The following C15orf61 variants were observed in gnomAD, a reference collection of about 807,000 sequenced individuals.
C15orf61 encodes the protein chromosome 15 open reading frame 61, also known as uncharacterized protein C15orf61.
C15orf61 carries 12 observed loss-of-function variants against 13.7 expected under a neutral mutation model. The ratio of observed to expected loss-of-function variants is 0.88; its 90% CI spans 0.56 to 1.42. The LOEUF (loss-of-function observed/expected upper bound fraction) is 1.42, where lower values mean the gene tolerates loss of function less well. Ranked by LOEUF, C15orf61 falls within the 40% of genes most tolerant of loss-of-function variation. The pLI is 0.00. For synonymous variants in C15orf61, 92 were observed against 94.1 expected, an observed-to-expected ratio of 0.98 and a Z score of 0.13; for missense variants, 248 against 213.2, an observed-to-expected ratio of 1.16 and a Z score of -1.02.
chr15:67,523,791 T>C (rs1034921114), intron 1 of C15orf61, among the ~76,000 whole-genome samples: 2 of 152,206 alleles, frequency 1.3e-5, no homozygotes, highest in African/African-American at 4.8e-5. Context: ...TTTTGTAATA[T>C]ATAAGTTATA....
chr15:67,526,506 T>C lies in C15orf61; in HGVS notation c.435T>C (p.Val145=), dbSNP rs61747543. The change falls in exon 2 of 2, where the codon GTT becomes GTC. Residue 145 remains valine (V), a synonymous_variant. Coordinates refer to ENST00000342683, the MANE Select transcript of C15orf61 (RefSeq NM_001143936.2). ...ATACCAGTTATGGACCCATAACAGT[T>C]TATTTTCTCAATAAAGAAGATGAAG... ...TVHTSYGPIT[V]YFLNKEDEGA... is the part of the protein sequence containing the mutation. 162 of 1,539,432 alleles carry C rather than the reference T, an allele frequency of 1.1e-4. 1 individual carries two copies. In the African/African-American group the frequency reaches 2.0e-3, roughly 19 times the overall value.
chr15:67,521,791 G>A (rs1027910237), intron 1 of C15orf61, 197 bp downstream of exon 1: 7 of 651,242 alleles, frequency 1.1e-5, no homozygotes, highest in Non-Finnish European at 1.8e-5. Flanking sequence ...CCTGGCACCC[G>A]AAGCCGTTCG....
In C15orf61 at chr15:67,527,534, T is replaced by G. The variant is rs770547313; in HGVS notation, c.*989T>G. ...GAACTAAGTAGAACTATTTAATTTC[T>G]AAACCAATGGGTGTTTAAGATTTAT... On this transcript the variant is annotated 3_prime_UTR_variant, in exon 2 of 2. Transcript: ENST00000342683. The G allele has an allele frequency of 1.3e-5, 2 of 152,194 alleles. No individual in the cohort carries two copies. The highest frequency in any genetic ancestry group is 2.9e-5 in the Non-Finnish European group (2 of 67,992). 9.4% of individuals were successfully genotyped at this position (152,194 alleles called of 1,614,324 possible). A position where few individuals can be genotyped will look rare whatever the true frequency, so the allele number is the denominator to read the frequency against.
chr15:67,524,075 A>G (rs1240251934), intron 1 of C15orf61, among the ~76,000 whole-genome samples: 1 of 152,232 alleles, frequency 6.6e-6, no homozygotes, highest in Non-Finnish European at 1.5e-5. Flanking sequence ...TTAAATCAAT[A>G]TGTTAACTGA....
chr15:67,521,843 G>A, intron 1 of C15orf61: 1 of 609,646 alleles, frequency 1.6e-6, no homozygotes, highest in Non-Finnish European at 2.9e-6. Flanking sequence ...GGGGCGGGTC[G>A]CCCTCCTGTC....
chr15:67,521,665 G>C, intron 1 of C15orf61, 71 bp downstream of exon 1: 2 of 1,342,176 alleles, frequency 1.5e-6, no homozygotes, highest in South Asian at 2.8e-5. Flanking sequence ...CACCGAGCAC[G>C]TGACGAACGC....
At chr15:67,521,715 C>T in intron 1 of C15orf61, 121 bp downstream of exon 1, 1 of 1,067,434 alleles carries the variant, frequency 9.4e-7, no homozygotes, top group South Asian at 1.7e-5. Context: ...AGCTCTGCCT[C>T]CCGGCGCCGG....
rs1433134132 is a variant in C15orf61 at position 67,528,147 on chromosome 15, T to C, written c.*1602T>C. On this transcript the variant is annotated 3_prime_UTR_variant, in exon 2 of 2. Transcript: ENST00000342683. The stretch of plus-strand genomic sequence containing the variant: ...CCAACACAAGGCTGATAAAATGGTC[T>C]TTAATTACCAGACTATAAATACAGC... 1 of 152,266 alleles carries C rather than the reference T, an allele frequency of 6.6e-6. No homozygotes were observed. Among genetic ancestry groups the C allele is most frequent in the African/African-American group, 2.4e-5 (1 of 41,470 alleles). 9.4% of individuals were successfully genotyped at this position (152,266 alleles called of 1,614,324 possible).
rs987712998 is a variant in C15orf61 at position 67,528,334 on chromosome 15, C to G, written c.*1789C>G. 2.0e-5 allele frequency: 3 copies of G among 152,194 alleles called. No homozygotes were observed. The highest frequency in any genetic ancestry group is 2.0e-4 in the Admixed American group (3 of 15,276). 9.4% of individuals were successfully genotyped at this position (152,194 alleles called of 1,614,324 possible). ...TGGAGAACATCTTTGACAAACTACC[C>G]TATTGATCTCTGTAATTCTCTGCTG... On this transcript the variant is annotated 3_prime_UTR_variant, in exon 2 of 2. Coordinates refer to ENST00000342683, the MANE Select transcript of C15orf61 (RefSeq NM_001143936.2).
chr15:67,521,169 G>C lies in C15orf61; in HGVS notation c.-80G>C. The C allele has an allele frequency of 9.9e-7, 1 of 1,006,400 alleles. No individual in the cohort carries two copies. The highest frequency in any genetic ancestry group is 5.0e-5 in the South Asian group (1 of 20,036). 62.3% of individuals were successfully genotyped at this position (1,006,400 alleles called of 1,614,324 possible). On this transcript the variant is annotated 5_prime_UTR_variant, in exon 1 of 2. Transcript: ENST00000342683. Reference sequence around the variant, plus strand: ...TCGGGCACCCGCGCGGCGCCGGTTGGCCTTCCCGGCGCTCGCCCGGGGGCG... The same window carrying C: ...TCGGGCACCCGCGCGGCGCCGGTTGCCCTTCCCGGCGCTCGCCCGGGGGCG...
At position 67,528,877 on chromosome 15, in the gene C15orf61, T is replaced by C. The variant is rs1224808895; in HGVS notation, c.*2332T>C. On this transcript the variant is annotated 3_prime_UTR_variant, in exon 2 of 2. Transcript: ENST00000342683. Reference sequence around the variant, plus strand: ...AAAGCTCTGTTTTTATAATCCACATTCTTCTGCTCCATTATACTTAAAGGA... The same window carrying C: ...AAAGCTCTGTTTTTATAATCCACATCCTTCTGCTCCATTATACTTAAAGGA... The C allele has an allele frequency of 1.3e-5, 2 of 152,208 alleles. No individual in the cohort carries two copies. Among genetic ancestry groups the C allele is most frequent in the Non-Finnish European group, 2.9e-5 (2 of 68,036 alleles). 9.4% of individuals were successfully genotyped at this position (152,208 alleles called of 1,614,324 possible).
At position 67,521,485 on chromosome 15, in the gene C15orf61, C is replaced by T; in HGVS notation, c.237C>T (p.Val79=). 6.5e-7 allele frequency: 1 copy of T among 1,548,662 alleles called. No individual in the cohort carries two copies. Among genetic ancestry groups the T allele is most frequent in the East Asian group, 2.4e-5 (1 of 40,902 alleles). Residue 79 remains valine, a synonymous_variant, in exon 1 of 2, where the codon GTC becomes GTT. Coordinates refer to ENST00000342683, the MANE Select transcript of C15orf61 (RefSeq NM_001143936.2). The stretch of plus-strand genomic sequence containing the variant: ...CGGTGCAGGGCGCCAACTACCACGT[C>T]CTGCGCACCGGCTGCTTCCCCTTCA... ...NWPVQGANYH[V]LRTGCFPFIK... is the part of the protein sequence containing the mutation.
chr15:67,521,253 AG>A lies in C15orf61; in HGVS notation c.7del (p.Ala3ProfsTer2). On this transcript the variant is annotated frameshift_variant, in exon 1 of 2. Coordinates refer to ENST00000342683, the MANE Select transcript of C15orf61 (RefSeq NM_001143936.2). LOFTEE classifies it high-confidence loss of function. ...GCGTCCCCGGCGCGGCGGGCCATGG[AG>A]GCCCTGAGGAGGGCCCACGAGGTCG... M[E>X]ALRRAHEVAL... 7.8e-7 allele frequency: 1 copy of A among 1,275,474 alleles called. No homozygotes were observed. Among genetic ancestry groups the A allele is most frequent in the Non-Finnish European group, 9.9e-7 (1 of 1,010,096 alleles). 79.0% of individuals were successfully genotyped at this position (1,275,474 alleles called of 1,614,324 possible).
chr15:67,521,651 C>T, intron 1 of C15orf61, 57 bp downstream of exon 1: 1 of 1,391,346 alleles, frequency 7.2e-7, no homozygotes, highest in Non-Finnish European at 9.7e-7. Flanking sequence ...GACGGCCCCT[C>T]AGCCACCGAG....
Position 67,521,159 on chromosome 15 carries a change from G to A in C15orf61, c.-90G>A. 1 of 895,826 alleles carries A rather than the reference G, an allele frequency of 1.1e-6. No individual in the cohort carries two copies. Among genetic ancestry groups the A allele is most frequent in the Non-Finnish European group, 1.4e-6 (1 of 713,108 alleles). 55.5% of individuals were successfully genotyped at this position (895,826 alleles called of 1,614,324 possible). A position where few individuals can be genotyped will look rare whatever the true frequency, so the allele number is the denominator to read the frequency against. On this transcript the variant is annotated 5_prime_UTR_variant, in exon 1 of 2. Transcript: ENST00000342683. Reference sequence around the variant, plus strand: ...CCGGGGGCTCTCGGGCACCCGCGCGGCGCCGGTTGGCCTTCCCGGCGCTCG... The same window carrying A: ...CCGGGGGCTCTCGGGCACCCGCGCGACGCCGGTTGGCCTTCCCGGCGCTCG...
intron 1 of C15orf61, chr15:67,521,963 C>T (rs973103616): frequency 3.2e-5 from 22 of 692,168 alleles, no homozygotes; most frequent in African/African-American, 3.0e-4. Context: ...TACTGCATGG[C>T]AGGACTCATT....
In C15orf61 at chr15:67,521,482, C is replaced by T; in HGVS notation, c.234C>T (p.His78=). 1 of 1,548,542 alleles carries T rather than the reference C, an allele frequency of 6.5e-7. No individual in the cohort carries two copies. The part of the protein sequence containing the change: ...FNWPVQGANY[H]VLRTGCFPFI... ...GGCCGGTGCAGGGCGCCAACTACCA[C>T]GTCCTGCGCACCGGCTGCTTCCCCT... The change falls in exon 1 of 2, where the codon CAC becomes CAT. Residue 78 remains histidine, a synonymous_variant. Transcript: ENST00000342683.
At chr15:67,521,641 G>T in intron 1 of C15orf61, 47 bp downstream of exon 1, 1 of 1,420,374 alleles carries the variant, frequency 7.0e-7, no homozygotes, top group East Asian at 2.5e-5. Context: ...GCCCGGCCGG[G>T]ACGGCCCCTC....
At position 67,521,272 on chromosome 15, in the gene C15orf61, C is replaced by G. The variant is rs1191393823; in HGVS notation, c.24C>G (p.His8Gln). The change falls in exon 1 of 2, where the codon CAC (histidine) becomes CAG (glutamine). Residue 8 changes from histidine to glutamine, a missense_variant. By Grantham distance (24) the His-to-Gln change is conservative (BLOSUM62 0). Coordinates refer to ENST00000342683, the MANE Select transcript of C15orf61 (RefSeq NM_001143936.2). Reference protein sequence around the residue: MEALRRAHEVALRLLLCR... With the variant: MEALRRAQEVALRLLLCR... Reference sequence around the variant, plus strand: ...CCATGGAGGCCCTGAGGAGGGCCCACGAGGTCGCGCTCCGCCTGCTGCTGT... The same window carrying G: ...CCATGGAGGCCCTGAGGAGGGCCCAGGAGGTCGCGCTCCGCCTGCTGCTGT... 1.4e-6 allele frequency: 2 copies of G among 1,432,294 alleles called. No homozygotes were observed. Among genetic ancestry groups the G allele is most frequent in the Admixed American group, 5.1e-5 (2 of 39,050 alleles). The allele number at this position is 1,432,294 out of a possible 1,614,324, so 88.7% of individuals were successfully genotyped here. A position where few individuals can be genotyped will look rare whatever the true frequency, so the allele number is the denominator to read the frequency against.
Sources: allele counts gnomAD v4.1 joint callset (sites outside exome capture counted in the v4.1 genomes callset), GRCh38; gene constraint gnomAD v4.1.1; transcripts MANE v1.5; gene names NCBI Gene and HGNC (gene_info 2026-07-23, HGNC 2026-07-21).